CD72: variants seen among roughly 807,000 people sequenced by gnomAD.
The protein encoded by CD72 is CD72 molecule, also known as B-cell differentiation antigen CD72.
CD72 carries 28 observed loss-of-function variants against 50.7 expected under a neutral mutation model. That is an observed-to-expected ratio of 0.55 (90% CI 0.41 to 0.76). The LOEUF (loss-of-function observed/expected upper bound fraction) is 0.76. Ranked by LOEUF, CD72 falls within the 30% of genes least tolerant of loss-of-function variation. CD72 has a pLI of 0.00. For missense variants in CD72, 403 were observed against 420.6 expected, an observed-to-expected ratio of 0.96 and a Z score of 0.37; for synonymous variants, 176 against 171.2, an observed-to-expected ratio of 1.03 and a Z score of -0.22.
At chr9:35,643,998 C>T (rs986010466) in intron 1 of CD72, among the ~76,000 whole-genome samples, 1 of 146,212 alleles carries the variant, frequency 6.8e-6, no homozygotes, top group Non-Finnish European at 1.5e-5. Flanking sequence ...AACAAACAAA[C>T]AAACAAACTG....
intron 6 of CD72, 180 bp downstream of exon 6, chr9:35,612,668 G>A: frequency 1.6e-6 from 1 of 617,896 alleles, no homozygotes; most frequent in East Asian, 2.7e-5. Flanking sequence ...GGACCACTGT[G>A]CTGAGAAGAT....
upstream of CD72, chr9:35,619,680 G>A (rs1320835003): frequency 6.6e-6 from 1 of 152,264 alleles, no homozygotes; most frequent in African/African-American, 2.4e-5. Context: ...GTGTGTGCAT[G>A]GATATGCATG....
intron 1 of CD72, among the ~76,000 whole-genome samples, chr9:35,627,011 T>C (rs1383396741): frequency 1.3e-5 from 2 of 152,056 alleles, no homozygotes; most frequent in Non-Finnish European, 2.9e-5. Context: ...CTAATCTTTT[T>C]GTATTTTTAG....
chr9:35,646,306 C>G (rs1266319502), intron 1 of CD72: 1 of 54,976 alleles, frequency 1.8e-5, no homozygotes, highest in Non-Finnish European at 5.3e-5. Context: ...AGGAGCTCCC[C>G]CTGAGGGTCT....
intron 7 of CD72, 76 bp downstream of exon 7, chr9:35,611,728 G>A: frequency 2.5e-6 from 2 of 811,150 alleles, no homozygotes; most frequent in South Asian, 1.4e-5. Context: ...GACCAGGTGG[G>A]AAGGAAATCT....
chr9:35,630,984 A>G (rs1157509457), intron 1 of CD72, among the ~76,000 whole-genome samples: 1 of 152,224 alleles, frequency 6.6e-6, no homozygotes, highest in Non-Finnish European at 1.5e-5. Context: ...AGTGCTAAGA[A>G]TAGTTCATGG....
chr9:35,626,264 G>A (rs571182355), intron 1 of CD72, among the ~76,000 whole-genome samples: 14 of 151,982 alleles, frequency 9.2e-5, no homozygotes, highest in Admixed American at 2.0e-4. Flanking sequence ...CTTCAATGGA[G>A]GAAGTAACTG....
chr9:35,639,379 T>C (rs1043816959), intron 1 of CD72, among the ~76,000 whole-genome samples: 14 of 152,184 alleles, frequency 9.2e-5, no homozygotes, highest in African/African-American at 3.4e-4. Context: ...ATCCTTGCCA[T>C]GTTGAAGGTA....
chr9:35,633,980 T>C (rs1369616229), intron 1 of CD72, among the ~76,000 whole-genome samples: 1 of 152,240 alleles, frequency 6.6e-6, no homozygotes, highest in Non-Finnish European at 1.5e-5. Context: ...TTTAAGTGTG[T>C]TTCTCTTAAG....
chr9:35,644,651 A>T (rs2131795630), intron 1 of CD72, among the ~76,000 whole-genome samples: 1 of 152,294 alleles, frequency 6.6e-6, no homozygotes, highest in East Asian at 1.9e-4. Context: ...TTTTGGCTAT[A>T]TGATTCTAGA....
intron 1 of CD72, among the ~76,000 whole-genome samples, chr9:35,625,598 C>T (rs1352544063): frequency 6.6e-6 from 1 of 152,238 alleles, no homozygotes; most frequent in Non-Finnish European, 1.5e-5. Flanking sequence ...GCAAACTAAA[C>T]AGCCTTTTAT....
In CD72 at chr9:35,631,301, G is replaced by A. The variant is rs563307999; in HGVS notation, n.409-13180C>T. 2.3e-3 allele frequency among the ~76,000 whole-genome samples: 344 copies of A among 152,148 alleles called. 1 individual carries two copies. Among genetic ancestry groups the A allele is most frequent in the African/African-American group, 7.8e-3 (324 of 41,508 alleles). On this transcript the variant is annotated intron_variant and non_coding_transcript_variant, in intron 1 of 3. Transcript: ENST00000465754. ...TATTATAATTTCTTTTCAGATGAGC[G>A]TAACAATTCATTGTCTTGTTTTACT...
At chr9:35,631,782 C>T (rs1345455797) in intron 1 of CD72, among the ~76,000 whole-genome samples, 1 of 151,984 alleles carries the variant, frequency 6.6e-6, no homozygotes, top group Admixed American at 6.6e-5. Flanking sequence ...CCCAGCTACT[C>T]GGGAGGCTGA....
intron 5 of CD72, 31 bp from the exon 6 acceptor site, chr9:35,613,024 A>C: frequency 6.3e-7 from 1 of 1,585,618 alleles, no homozygotes. Context: ...GATAGCAGCA[A>C]CAGTTGGGAT....
At chr9:35,640,626 C>T (rs748330242) in intron 1 of CD72, among the ~76,000 whole-genome samples, 4 of 152,292 alleles carry the variant, frequency 2.6e-5, no homozygotes, top group Non-Finnish European at 4.4e-5. Flanking sequence ...GACACCCTGC[C>T]GGATCTGGAG....
intron 1 of CD72, among the ~76,000 whole-genome samples, chr9:35,637,605 C>T (rs1410540000): frequency 2.0e-5 from 3 of 152,172 alleles, no homozygotes; most frequent in African/African-American, 4.8e-5. Flanking sequence ...CTAGTAGAGA[C>T]AAAGGAGACA....
At position 35,616,677 on chromosome 9, in the gene CD72, C is replaced by G; in HGVS notation, c.275G>C (p.Cys92Ser). The G allele has an allele frequency of 1.9e-6, 3 of 1,613,518 alleles. No homozygotes were observed. Among genetic ancestry groups the G allele is most frequent in the Non-Finnish European group, 2.5e-6 (3 of 1,179,930 alleles). ...CAGGCCGAGCAGGAGGTATCGCAGGCAGGTTGTGCGGCCTTAGGGGGACAG... is the reference window on the plus strand; with the variant it reads ...CAGGCCGAGCAGGAGGTATCGCAGGGAGGTTGTGCGGCCTTAGGGGGACAG... ...VGRILPCRTT[C>S]LRYLLLGLLL... The change falls in exon 4 of 9, where the codon TGC becomes TCC. Residue 92 changes from cysteine to serine, a missense_variant. Physicochemically the swap from Cys to Ser is moderately radical, Grantham distance 112. Transcript: ENST00000259633.
intron 1 of CD72, chr9:35,642,554 T>C (rs2131793361): frequency 6.6e-6 from 1 of 152,366 alleles, no homozygotes; most frequent in Admixed American, 6.5e-5. Flanking sequence ...CTCGGACCTG[T>C]GTAAGGACTC....
chr9:35,620,578 C>A (rs548350253), upstream of CD72, among the ~76,000 whole-genome samples: 1 of 152,038 alleles, frequency 6.6e-6, no homozygotes, highest in Non-Finnish European at 1.5e-5. Context: ...CACCTGTAAT[C>A]CCAGCACTTT....
Sources: allele counts gnomAD v4.1 joint callset (sites outside exome capture counted in the v4.1 genomes callset), GRCh38; gene constraint gnomAD v4.1.1; transcripts MANE v1.5; gene names NCBI Gene and HGNC (gene_info 2026-07-23, HGNC 2026-07-21).